The following DENND2C variants were observed in gnomAD, a reference collection of about 807,000 sequenced individuals.
DENND2C encodes DENN domain containing 2C.
DENND2C carries 72 observed loss-of-function variants against 112.4 expected under a neutral mutation model. The ratio of observed to expected loss-of-function variants is 0.64; its 90% CI spans 0.53 to 0.78. The LOEUF (loss-of-function observed/expected upper bound fraction) is 0.78, where lower values mean the gene tolerates loss of function less well. DENND2C is among the 30% of genes least tolerant of loss of function. The pLI is 0.00. For missense variants in DENND2C, 992 were observed against 1,113.8 expected, an observed-to-expected ratio of 0.89 and a Z score of 1.56; for synonymous variants, 329 against 381.6, an observed-to-expected ratio of 0.86 and a Z score of 1.61.
At chr1:114,602,308 G>C in intron 11 of DENND2C, 114 bp from the exon 12 acceptor site, 11 of 1,031,206 alleles carry the variant, frequency 1.1e-5, no homozygotes, top group Non-Finnish European at 1.5e-5. Flanking sequence ...GATCTAGTTA[G>C]GATCCAAACA....
Position 114,623,654 on chromosome 1 carries a change from G to A in DENND2C, c.807-11C>T, listed in dbSNP as rs1455570726. 1.3e-6 allele frequency: 2 copies of A among 1,574,308 alleles called. No homozygotes were observed. Among genetic ancestry groups the A allele is most frequent in the South Asian group, 1.2e-5 (1 of 84,200 alleles). On this transcript the variant is annotated splice_polypyrimidine_tract_variant and intron_variant, in intron 4 of 20. Coordinates refer to ENST00000393274, the MANE Select transcript of DENND2C (RefSeq NM_001256404.2). Reference sequence around the variant, plus strand: ...AATTCAAAGGATTTCCTTAAAAAAGGAGATATATTTTAAAGTTATATCTTT... The same window carrying A: ...AATTCAAAGGATTTCCTTAAAAAAGAAGATATATTTTAAAGTTATATCTTT...
At chr1:114,653,022 G>A (rs1198479903) in intron 2 of DENND2C, among the ~76,000 whole-genome samples, 1 of 152,012 alleles carries the variant, frequency 6.6e-6, no homozygotes, top group African/African-American at 2.4e-5. Flanking sequence ...ATCCGTGATT[G>A]GTTGTATCCA....
At chr1:114,613,331 C>G (rs1655873997) in intron 8 of DENND2C, among the ~76,000 whole-genome samples, 1 of 152,056 alleles carries the variant, frequency 6.6e-6, no homozygotes. Flanking sequence ...ATGAAATTTT[C>G]TAGGTGTGCA....
In DENND2C at chr1:114,645,571, G is replaced by A. The variant is rs1278039246; in HGVS notation, c.-316-12C>T. 4 of 152,118 alleles carry A rather than the reference G, an allele frequency of 2.6e-5. No homozygotes were observed. The highest frequency in any genetic ancestry group is 2.0e-4 in the Admixed American group (3 of 15,260). 9.4% of individuals were successfully genotyped at this position (152,118 alleles called of 1,614,324 possible). On this transcript the variant is annotated splice_polypyrimidine_tract_variant and intron_variant, in intron 2 of 20. Transcript: ENST00000393274. ...GTAGACCTAGCAAACTAATACAAAA[G>A]GCCACAGTAATAGAAAAAGATAACT... is the stretch of plus-strand genomic sequence containing the variant.
chr1:114,601,473 G>A, intron 13 of DENND2C, 35 bp downstream of exon 13: 1 of 1,586,730 alleles, frequency 6.3e-7, no homozygotes, highest in Middle Eastern at 1.7e-4. Context: ...GCTCAAAAAG[G>A]ACACCATTTT....
At chr1:114,590,920 A>G (rs1305579370) in intron 18 of DENND2C, among the ~76,000 whole-genome samples, 1 of 152,128 alleles carries the variant, frequency 6.6e-6, no homozygotes, top group Non-Finnish European at 1.5e-5. Context: ...CCAACTTCAA[A>G]GTGGTTGAAC....
At chr1:114,608,513 T>C (rs532862358) in intron 10 of DENND2C, among the ~76,000 whole-genome samples, 173 bp downstream of exon 10, 18 of 152,366 alleles carry the variant, frequency 1.2e-4, no homozygotes, top group African/African-American at 4.1e-4. Context: ...TGCTTTGTTT[T>C]GCTGGGTTGC....
At chr1:114,660,446 T>C (rs932828085) in intron 1 of DENND2C, among the ~76,000 whole-genome samples, 1 of 152,174 alleles carries the variant, frequency 6.6e-6, no homozygotes, top group African/African-American at 2.4e-5. Flanking sequence ...CTCCAAGCTT[T>C]CCTGCTGCCC....
intron 2 of DENND2C, among the ~76,000 whole-genome samples, chr1:114,648,938 G>A (rs1004502221): frequency 2.0e-5 from 3 of 151,760 alleles, no homozygotes; most frequent in Non-Finnish European, 4.4e-5. Flanking sequence ...TAAATAAAAT[G>A]TCTCTTTTCA....
At chr1:114,625,106 A>C in intron 4 of DENND2C, 73 bp downstream of exon 4, 1 of 1,436,548 alleles carries the variant, frequency 7.0e-7, no homozygotes. Flanking sequence ...AACTGGTTTG[A>C]AAAGGAAAAA....
intron 3 of DENND2C, among the ~76,000 whole-genome samples, chr1:114,638,479 C>G (rs760580003): frequency 1.3e-5 from 2 of 152,084 alleles, no homozygotes; most frequent in Non-Finnish European, 2.9e-5. Context: ...TTAAATGGAG[C>G]TGGGTGCAGT....
At chr1:114,621,083 A>C (rs1182869183) in intron 7 of DENND2C, among the ~76,000 whole-genome samples, 4 of 152,186 alleles carry the variant, frequency 2.6e-5, no homozygotes, top group African/African-American at 4.8e-5. Context: ...GTAACAGAGA[A>C]AGTTTAAAAT....
chr1:114,647,208 C>T (rs1170657942), intron 2 of DENND2C, among the ~76,000 whole-genome samples: 1 of 150,722 alleles, frequency 6.6e-6, no homozygotes, highest in Non-Finnish European at 1.5e-5. Context: ...CAGGGGTCTG[C>T]TAAAATAACC....
chr1:114,650,255 G>A (rs185324648), intron 2 of DENND2C, among the ~76,000 whole-genome samples: 121 of 151,966 alleles, frequency 8.0e-4, no homozygotes, highest in African/African-American at 2.8e-3. Flanking sequence ...CCCAGGAGGC[G>A]GAGGTTGCAG....
chr1:114,623,813 G>A (rs766605458), intron 4 of DENND2C, among the ~76,000 whole-genome samples, 170 bp from the exon 5 acceptor site: 3 of 152,096 alleles, frequency 2.0e-5, no homozygotes, highest in Non-Finnish European at 4.4e-5. Flanking sequence ...TTGGCTCACT[G>A]AAACCTCTGC....
In DENND2C at chr1:114,593,254, T is replaced by C. The variant is rs376392353; in HGVS notation, c.2431+1219A>G. Among the ~76,000 whole-genome samples the C allele has an allele frequency of 6.6e-5, 10 of 152,326 alleles. No homozygotes were observed. In the South Asian group the frequency reaches 2.1e-3, roughly 32 times the overall value. ...AAGTGTTGGAAATCTAACCACGCCATTTACAACCAACACAGGGCTCAATCC... is the reference window on the plus strand; with the variant it reads ...AAGTGTTGGAAATCTAACCACGCCACTTACAACCAACACAGGGCTCAATCC... On this transcript the variant is annotated intron_variant, in intron 18 of 20. Coordinates refer to ENST00000393274, the MANE Select transcript of DENND2C (RefSeq NM_001256404.2).
intron 2 of DENND2C, among the ~76,000 whole-genome samples, chr1:114,649,775 T>C (rs1657103540): frequency 1.3e-5 from 2 of 152,012 alleles, no homozygotes; most frequent in South Asian, 4.1e-4. Flanking sequence ...TATTCAAAGG[T>C]TGAAGAAATT....
At chr1:114,642,211 A>G (rs1036922042) in intron 3 of DENND2C, among the ~76,000 whole-genome samples, 1 of 152,190 alleles carries the variant, frequency 6.6e-6, no homozygotes, top group Non-Finnish European at 1.5e-5. Flanking sequence ...TCGGCCTCCC[A>G]AAGTGCTAGG....
intron 3 of DENND2C, among the ~76,000 whole-genome samples, chr1:114,634,479 G>A (rs140185035): frequency 8.6e-5 from 13 of 151,958 alleles, no homozygotes; most frequent in South Asian, 2.1e-4. Context: ...GACTATAGAC[G>A]CGTGCCACCA....
Sources: gnomAD v4.1 joint callset for allele counts (sites outside exome capture counted in the v4.1 genomes callset) on GRCh38, gnomAD v4.1.1 for gene constraint, MANE v1.5 for transcripts, NCBI Gene and HGNC (gene_info 2026-07-23, HGNC 2026-07-21) for gene names.